The following GPR137B variants were observed in gnomAD, a reference collection of about 807,000 sequenced individuals.
GPR137B encodes the protein integral membrane protein GPR137B.
GPR137B carries 42 observed loss-of-function variants against 42.5 expected under a neutral mutation model. That is an observed-to-expected ratio of 0.99 (90% confidence interval 0.77 to 1.28). The LOEUF is 1.28. Ranked by LOEUF, GPR137B falls within the 50% of genes most tolerant of loss-of-function variation. The pLI is 0.00. For missense variants in GPR137B, 487 were observed against 493.9 expected (o/e 0.99, Z 0.13); for synonymous variants, 218 against 209.7 (o/e 1.04, Z -0.34).
At chr1:236,174,708 G>C (rs1341810657) in intron 2 of GPR137B, among the ~76,000 whole-genome samples, 1 of 152,192 alleles carries the variant, frequency 6.6e-6, no homozygotes, top group Non-Finnish European at 1.5e-5. Flanking sequence ...GGGGCTGGGT[G>C]CAGTGGCATG....
At chr1:236,162,098 A>T (rs1662219787) in intron 1 of GPR137B, among the ~76,000 whole-genome samples, 1 of 152,182 alleles carries the variant, frequency 6.6e-6, no homozygotes, top group African/African-American at 2.4e-5. Context: ...GCTGATAGTG[A>T]TATGGTCAAT....
At chr1:236,143,360 A>C (rs151026178) in intron 1 of GPR137B, among the ~76,000 whole-genome samples, 1 of 152,386 alleles carries the variant, frequency 6.6e-6, no homozygotes, top group Non-Finnish European at 1.5e-5. Flanking sequence ...GCGCCTGCAC[A>C]CGCCAGTTAG....
chr1:236,175,218 A>G (rs1253790568), intron 2 of GPR137B, among the ~76,000 whole-genome samples: 2 of 152,144 alleles, frequency 1.3e-5, no homozygotes, highest in African/African-American at 4.8e-5. Flanking sequence ...ATCATAAGAG[A>G]AAACAAATTT....
At position 236,150,092 on chromosome 1, in the gene GPR137B, T is replaced by C. The variant is rs759566791; in HGVS notation, c.414+7056T>C. Among the ~76,000 whole-genome samples the C allele has an allele frequency of 5.4e-5, 8 of 149,364 alleles. No individual in the cohort carries two copies. The highest frequency in any genetic ancestry group is 1.2e-4 in the Non-Finnish European group (8 of 67,180). ...GTGGGTCTCTGAGTGTCTGTGCATG[T>C]GTGTGTCTGTGCCTGTGTATGTCTG... is the stretch of plus-strand genomic sequence containing the variant. On this transcript the variant is annotated intron_variant, in intron 1 of 6. Transcript: ENST00000366592. The surrounding 1 kb of genome is among the most constrained non-coding windows in gnomAD (Gnocchi z 6.2).
At chr1:236,149,904 GTGCCTGTGCACGTGTGGC>G (rs1445506384) in intron 1 of GPR137B, among the ~76,000 whole-genome samples, 1 of 151,948 alleles carries the variant, frequency 6.6e-6, no homozygotes, top group African/African-American at 2.4e-5. Flanking sequence ...ATGTACATGT[GTGCCTGTGCACGTGTGGC>G]TGCGTGCACC....
chr1:236,179,635 G>T (rs919947554), intron 3 of GPR137B, among the ~76,000 whole-genome samples: 1 of 152,134 alleles, frequency 6.6e-6, no homozygotes, highest in Non-Finnish European at 1.5e-5. Context: ...TCTAGGCCAC[G>T]GGAAAATGGT....
chr1:236,176,136 T>G (rs567020572), intron 2 of GPR137B, among the ~76,000 whole-genome samples: 1 of 152,014 alleles, frequency 6.6e-6, no homozygotes, highest in East Asian at 1.9e-4. Flanking sequence ...GGGAAGAGGT[T>G]GGAGGTGCGG....
chr1:236,167,525 G>A lies in GPR137B; in HGVS notation c.415-1181G>A, dbSNP rs75350495. Among the ~76,000 whole-genome samples, 1,499 of 152,284 alleles carry A rather than the reference G, an allele frequency of 9.8e-3. 22 individuals carry two copies. Among genetic ancestry groups the A allele is most frequent in the African/African-American group, 0.034 (1,408 of 41,562 alleles). On this transcript the variant is annotated intron_variant, in intron 1 of 6. Transcript: ENST00000366592. ...TCAGGGGCTGGGGGATGAGGGGTGC[G>A]GCAGGAGAATGGAGAGATGTTGGTC...
chr1:236,204,472 A>C (rs1572012589), intron 5 of GPR137B, among the ~76,000 whole-genome samples: 1 of 152,166 alleles, frequency 6.6e-6, no homozygotes, highest in Admixed American at 6.5e-5. Context: ...TATGACTGAC[A>C]TTAGTTCTTC....
chr1:236,201,355 T>TAAA (rs1663486725), intron 5 of GPR137B, among the ~76,000 whole-genome samples: 1 of 152,074 alleles, frequency 6.6e-6, no homozygotes, highest in African/African-American at 2.4e-5. Context: ...TTTTCCTTGA[T>TAAA]TATTCCCTCA....
intron 5 of GPR137B, among the ~76,000 whole-genome samples, chr1:236,195,683 T>C (rs1364039955): frequency 6.6e-6 from 1 of 152,246 alleles, no homozygotes; most frequent in African/African-American, 2.4e-5. Flanking sequence ...ACTGCCAAAC[T>C]GTTCTCCATA....
At chr1:236,166,249 G>A (rs1186956548) in intron 1 of GPR137B, among the ~76,000 whole-genome samples, 1 of 151,994 alleles carries the variant, frequency 6.6e-6, no homozygotes, top group African/African-American at 2.4e-5. Flanking sequence ...TGGAACTTTG[G>A]AGTCATGTAT....
intron 1 of GPR137B, among the ~76,000 whole-genome samples, chr1:236,151,752 C>T (rs972159822): frequency 2.0e-5 from 3 of 152,128 alleles, no homozygotes; most frequent in Non-Finnish European, 1.5e-5. Context: ...GGCATACACA[C>T]TTGCGAGGCT....
At chr1:236,201,905 C>T (rs984036260) in intron 5 of GPR137B, among the ~76,000 whole-genome samples, 12 of 151,956 alleles carry the variant, frequency 7.9e-5, no homozygotes, top group Admixed American at 1.3e-4. Context: ...ATCTGGAACT[C>T]AAAGCTGCTG....
chr1:236,167,090 A>G (rs751476350), intron 1 of GPR137B, among the ~76,000 whole-genome samples: 6 of 152,122 alleles, frequency 3.9e-5, no homozygotes, highest in Non-Finnish European at 8.8e-5. Context: ...GCAAGTGGGG[A>G]ATGTGAGTCT....
Position 236,150,131 on chromosome 1 carries a change from CTG to C in GPR137B, c.414+7104_414+7105del, listed in dbSNP as rs1276012212. On this transcript the variant is annotated intron_variant, in intron 1 of 6. Coordinates refer to ENST00000366592, the MANE Select transcript of GPR137B (RefSeq NM_003272.4). This position sits in a 1 kb window ranked among gnomAD's most constrained non-coding sequence, Gnocchi z 6.2. ...TGTGTATGTCTGTGCCTGCGTGTGC[CTG>C]TGTGTGTGCCTCTGTTTGTGTCTGT... 2.1e-5 allele frequency among the ~76,000 whole-genome samples: 3 copies of C among 145,742 alleles called. No individual in the cohort carries two copies. The highest frequency in any genetic ancestry group is 7.7e-5 in the African/African-American group (3 of 38,892).
At chr1:236,195,254 TC>T (rs1012952562) in intron 5 of GPR137B, among the ~76,000 whole-genome samples, 25 of 148,676 alleles carry the variant, frequency 1.7e-4, no homozygotes, top group Non-Finnish European at 3.0e-4. Flanking sequence ...AACCATACTC[TC>T]CCCCCGCCAC....
intron 2 of GPR137B, among the ~76,000 whole-genome samples, chr1:236,174,962 G>C (rs547350054): frequency 1.3e-5 from 2 of 152,332 alleles, no homozygotes; most frequent in South Asian, 4.1e-4. Context: ...GGCATGGCTT[G>C]AGACGAAAGA....
intron 2 of GPR137B, among the ~76,000 whole-genome samples, chr1:236,178,084 A>G (rs138006973): frequency 0.012 from 1,849 of 152,258 alleles, 20 homozygotes; most frequent in Non-Finnish European, 0.021. Flanking sequence ...CAGAATGCCT[A>G]TAAAACGCCA....
Sources: allele counts gnomAD v4.1 joint callset (sites outside exome capture counted in the v4.1 genomes callset), GRCh38; gene constraint gnomAD v4.1.1; non-coding constraint Gnocchi (gnomAD v3.1); transcripts MANE v1.5; gene names NCBI Gene and HGNC (gene_info 2026-07-23, HGNC 2026-07-21).